PCDHA2: variants seen among roughly 807,000 people sequenced by gnomAD.
The protein encoded by PCDHA2 is protocadherin alpha-2.
In PCDHA2, 58 loss-of-function variants were observed where a neutral mutation model predicts 66.0. That is an observed-to-expected ratio of 0.88 (90% CI 0.71 to 1.09). The LOEUF is 1.09. Among genes scored for constraint, PCDHA2 ranks in the 50% least tolerant of loss-of-function variants. The pLI, the probability that PCDHA2 is intolerant of heterozygous loss-of-function variation, is 0.00. For missense variants in PCDHA2, 1,267 were observed against 1,242.3 expected, an observed-to-expected ratio of 1.02 and a Z score of -0.30; for synonymous variants, 634 against 554.0, an observed-to-expected ratio of 1.14 and a Z score of -2.03.
At chr5:140,802,211 C>A in intron 1 of PCDHA2, 1 of 1,614,178 alleles carries the variant, frequency 6.2e-7, no homozygotes, top group Non-Finnish European at 8.5e-7. Flanking sequence ...CAGTTCTACT[C>A]GAAATTGTGG....
At position 140,882,396 on chromosome 5, in the gene PCDHA2, C is replaced by G; in HGVS notation, c.2388+85044C>G. The G allele has an allele frequency of 1.9e-6, 3 of 1,614,196 alleles. No homozygotes were observed. In the South Asian group the frequency reaches 3.3e-5, roughly 18 times the overall value. On this transcript the variant is annotated intron_variant, in intron 1 of 3. Transcript: ENST00000526136. ...GTCCCCGAGGAAGCAAAACACGGCA[C>G]CTTCGTGGGCCGCATCGCTCAGGAC...
At chr5:140,989,410 C>T (rs568177388) in intron 3 of PCDHA2, among the ~76,000 whole-genome samples, 1 of 152,230 alleles carries the variant, frequency 6.6e-6, no homozygotes, top group South Asian at 2.1e-4. Context: ...GGAGAGTCTG[C>T]ACTTCACTCT....
In PCDHA2 at chr5:140,851,118, T is replaced by C. The variant is rs1554145256; in HGVS notation, c.2388+53766T>C. Reference sequence around the variant, plus strand: ...TATTTTTTGGGTGCTGAATCAATTTTATTTAAATTTGTGATTAAAGTGACA... The same window carrying C: ...TATTTTTTGGGTGCTGAATCAATTTCATTTAAATTTGTGATTAAAGTGACA... On this transcript the variant is annotated intron_variant, in intron 1 of 3. Transcript: ENST00000526136. 5 of 1,307,406 alleles carry C rather than the reference T, an allele frequency of 3.8e-6. No individual in the cohort carries two copies. The East Asian group carries it at 1.3e-4, about 35-fold the overall frequency. The allele number at this position is 1,307,406 out of a possible 1,614,324, so 81.0% of individuals were successfully genotyped here.
At chr5:140,815,841 T>C (rs2126667255) in intron 1 of PCDHA2, 2 of 152,220 alleles carry the variant, frequency 1.3e-5, no homozygotes, top group African/African-American at 4.8e-5. Context: ...AGACAAACTT[T>C]GGTGGATTTG....
At chr5:140,897,504 C>T (rs1253239827) in intron 1 of PCDHA2, among the ~76,000 whole-genome samples, 1 of 152,092 alleles carries the variant, frequency 6.6e-6, no homozygotes, top group Non-Finnish European at 1.5e-5. Context: ...CATGTCCCTA[C>T]AAAGGACATG....
chr5:140,814,991 T>C (rs1243130141), intron 1 of PCDHA2: 2 of 152,234 alleles, frequency 1.3e-5, no homozygotes, highest in Admixed American at 1.3e-4. Flanking sequence ...TTTTGTGTGA[T>C]GTAGCTGTTT....
chr5:140,803,691 G>A, intron 1 of PCDHA2: 3 of 1,552,026 alleles, frequency 1.9e-6, no homozygotes, highest in African/African-American at 1.4e-5. Flanking sequence ...TATGAATTAT[G>A]TGATTCATAA....
chr5:140,814,832 T>C (rs145888595), intron 1 of PCDHA2: 74 of 152,356 alleles, frequency 4.9e-4, no homozygotes, highest in African/African-American at 1.8e-3. Context: ...TATTTCTCCA[T>C]TTCTGTGAAT....
At chr5:140,912,116 C>G (rs2075772929) in intron 1 of PCDHA2, among the ~76,000 whole-genome samples, 1 of 152,188 alleles carries the variant, frequency 6.6e-6, no homozygotes, top group Non-Finnish European at 1.5e-5. Context: ...GGCTGGGAGG[C>G]TAAGTCAGTC....
At chr5:140,888,557 T>G (rs2153424359) in intron 1 of PCDHA2, among the ~76,000 whole-genome samples, 1 of 152,366 alleles carries the variant, frequency 6.6e-6, no homozygotes, top group East Asian at 1.9e-4. Flanking sequence ...TTTATTCCTT[T>G]CAAGGCTTCA....
At chr5:140,802,811 C>G (rs539786276) in intron 1 of PCDHA2, 21 of 1,613,238 alleles carry the variant, frequency 1.3e-5, no homozygotes, top group East Asian at 4.5e-5. Context: ...TGAGTGCGCG[C>G]GATGCGGGCG....
At position 140,848,676 on chromosome 5, in the gene PCDHA2, C is replaced by A. The variant is rs2150416820; in HGVS notation, c.2388+51324C>A. 8.2e-6 allele frequency: 13 copies of A among 1,592,292 alleles called. 1 individual carries two copies. The African/African-American group carries it at 1.1e-4, about 13-fold the overall frequency. ...GGGGCTGGAGCTGGCGGAGCTGGTG[C>A]CGCGCCTGTTCCAGTTGGATTCCAA... On this transcript the variant is annotated intron_variant, in intron 1 of 3. Transcript: ENST00000526136.
chr5:140,941,748 T>G (rs2093156951), intron 1 of PCDHA2, among the ~76,000 whole-genome samples: 1 of 152,210 alleles, frequency 6.6e-6, no homozygotes, highest in South Asian at 2.1e-4. Flanking sequence ...CTTATCAGAT[T>G]TTCAGTGCTT....
At chr5:140,989,656 A>T (rs2153884121) in intron 3 of PCDHA2, among the ~76,000 whole-genome samples, 1 of 152,326 alleles carries the variant, frequency 6.6e-6, no homozygotes, top group Non-Finnish European at 1.5e-5. Context: ...GCAATATTTT[A>T]AAAGAAACTC....
intron 1 of PCDHA2, chr5:140,824,610 GTT>G (rs782443702): frequency 1.2e-4 from 11 of 95,112 alleles, no homozygotes; most frequent in South Asian, 3.6e-4. Flanking sequence ...GCTAATTAAA[GTT>G]TTTTTTTTTT....
At chr5:140,848,664 G>A (rs1470524559) in intron 1 of PCDHA2, 6 of 1,592,252 alleles carry the variant, frequency 3.8e-6, no homozygotes, top group Non-Finnish European at 4.3e-6. Context: ...GCTGGAGCTG[G>A]CGGAGCTGGT....
At chr5:140,956,594 T>C (rs2095295015) in intron 1 of PCDHA2, among the ~76,000 whole-genome samples, 1 of 152,210 alleles carries the variant, frequency 6.6e-6, no homozygotes, top group Non-Finnish European at 1.5e-5. Flanking sequence ...TTATCAGGGA[T>C]ATCAGCTGGA....
chr5:140,847,780 T>C (rs1554141908), intron 1 of PCDHA2: 1 of 149,906 alleles, frequency 6.7e-6, no homozygotes, highest in Non-Finnish European at 1.5e-5. Context: ...TTCTCGCTTT[T>C]CTTGCAATAT....
Position 140,795,028 on chromosome 5 carries a change from G to T in PCDHA2, c.64G>T (p.Ala22Ser). The T allele has an allele frequency of 6.2e-7, 1 of 1,613,798 alleles. No individual in the cohort carries two copies. The highest frequency in any genetic ancestry group is 1.6e-4 in the Middle Eastern group (1 of 6,062). Residue 22 changes from alanine (A) to serine (S), a missense_variant, in exon 1 of 4, where the codon GCA becomes TCA. Physicochemically the swap from Ala to Ser is moderately conservative, Grantham distance 99 (BLOSUM62 1). Coordinates refer to ENST00000526136, the MANE Select transcript of PCDHA2 (RefSeq NM_018905.3). ...ACGGCTGCTCTCGCTTCTGCTCCTC[G>T]CAGCCTGGGAGGTGGGGAGCGGCCA... Reference protein sequence around the residue: ...WTRLLSLLLLAAWEVGSGQLR... With the variant: ...WTRLLSLLLLSAWEVGSGQLR...
Sources: allele counts gnomAD v4.1 joint callset (sites outside exome capture counted in the v4.1 genomes callset), GRCh38; gene constraint gnomAD v4.1.1; transcripts MANE v1.5; gene names NCBI Gene and HGNC (gene_info 2026-07-23, HGNC 2026-07-21).